NTMT2: variants seen among roughly 807,000 people sequenced by gnomAD.
NTMT2 encodes X-Pro-Lys N-terminal protein methyltransferase 1B.
In NTMT2, 21 loss-of-function variants were observed where a neutral mutation model predicts 23.4. The observed-to-expected ratio is 0.90, with a 90% CI of 0.64 to 1.29. The LOEUF (loss-of-function observed/expected upper bound fraction) is 1.29. NTMT2 is among the 50% of genes most tolerant of loss of function. The probability of loss-of-function intolerance (pLI) is 0.00; values close to 1 mark genes in which losing one functional copy is unlikely to be tolerated. For synonymous variants in NTMT2, 131 were observed against 127.7 expected (o/e 1.03, Z -0.17); for missense variants, 336 against 352.0 (o/e 0.95, Z 0.36).
intron 1 of NTMT2, among the ~76,000 whole-genome samples, chr1:170,146,949 C>T (rs968269519): frequency 5.3e-5 from 8 of 152,174 alleles, no homozygotes; most frequent in African/African-American, 1.9e-4. Context: ...TCAGGGCACC[C>T]TAAACAGCAC....
Position 170,159,383 on chromosome 1 carries a change from C to T in NTMT2, c.155-1135C>T, listed in dbSNP as rs1157344674. Among the ~76,000 whole-genome samples, 5 of 144,214 alleles carry T rather than the reference C, an allele frequency of 3.5e-5. No homozygotes were observed. In the Admixed American group the frequency reaches 3.5e-4, roughly 10 times the overall value. The allele number at this position is 144,214 out of a possible 152,430, so 94.6% of individuals were successfully genotyped here. The stretch of plus-strand genomic sequence containing the variant: ...TAGGAGGGTGCACTTGCCCTCTTAC[C>T]TGGTTGTTCTCTGGACAGAGTTTTG... On this transcript the variant is annotated intron_variant, in intron 1 of 3. Coordinates refer to ENST00000439373, the MANE Select transcript of NTMT2 (RefSeq NM_001136107.2).
chr1:170,166,891 C>A, intron 3 of NTMT2, 140 bp downstream of exon 3: 1 of 785,992 alleles, frequency 1.3e-6, no homozygotes, highest in Non-Finnish European at 2.0e-6. Flanking sequence ...CATGTGAACT[C>A]CCACAAAACT....
intron 2 of NTMT2, among the ~76,000 whole-genome samples, chr1:170,164,073 G>C (rs540398934): frequency 7.0e-6 from 1 of 143,676 alleles, no homozygotes; most frequent in East Asian, 2.1e-4. Flanking sequence ...AGTGAGCTGA[G>C]ATCGTGCCAC....
At chr1:170,157,358 T>G (rs1216791668) in intron 1 of NTMT2, among the ~76,000 whole-genome samples, 2 of 152,296 alleles carry the variant, frequency 1.3e-5, no homozygotes, top group Middle Eastern at 3.4e-3. Context: ...AATCTATGTA[T>G]AATAGTTAAC....
intron 2 of NTMT2, among the ~76,000 whole-genome samples, chr1:170,162,098 G>A (rs770267503): frequency 4.6e-5 from 7 of 151,956 alleles, no homozygotes; most frequent in Non-Finnish European, 8.8e-5. Context: ...TCAAACAAAC[G>A]AACACACAAA....
At chr1:170,150,296 T>C (rs923352313) in intron 1 of NTMT2, among the ~76,000 whole-genome samples, 1 of 152,206 alleles carries the variant, frequency 6.6e-6, no homozygotes, top group Non-Finnish European at 1.5e-5. Context: ...AGCAAAGACA[T>C]ACATACTAAA....
chr1:170,153,031 C>G (rs1225317811), intron 1 of NTMT2, among the ~76,000 whole-genome samples: 1 of 152,094 alleles, frequency 6.6e-6, no homozygotes, highest in Non-Finnish European at 1.5e-5. Context: ...TTGTGTGGCA[C>G]TTCACCCCAC....
At chr1:170,165,100 G>T (rs957379647) in intron 2 of NTMT2, among the ~76,000 whole-genome samples, 7 of 151,980 alleles carry the variant, frequency 4.6e-5, no homozygotes, top group African/African-American at 1.7e-4. Flanking sequence ...GAGAAATCAA[G>T]AGTAGGCTTT....
At chr1:170,157,038 C>A (rs1673177327) in intron 1 of NTMT2, among the ~76,000 whole-genome samples, 1 of 152,050 alleles carries the variant, frequency 6.6e-6, no homozygotes, top group African/African-American at 2.4e-5. Flanking sequence ...AGCCTGTGAG[C>A]TGTGAGTTCC....
chr1:170,166,647 T>G lies in NTMT2; in HGVS notation c.476T>G (p.Leu159Arg). Residue 159 changes from leucine to arginine, a missense_variant, in exon 3 of 4, where the codon CTG becomes CGG. Leu to Arg is a moderately radical substitution (Grantham distance 102, BLOSUM62 -2). Coordinates refer to ENST00000439373, the MANE Select transcript of NTMT2 (RefSeq NM_001136107.2). ...TTTCTCCTTGAAGCCCAGAACTACC[T>G]GCAGGTCAAAGGTGACAAAGTAGAA... Reference protein sequence around the residue: ...ESFLLEAQNYLQVKGDKVESY... With the variant: ...ESFLLEAQNYRQVKGDKVESY... The G allele has an allele frequency of 1.3e-6, 2 of 1,552,142 alleles. No homozygotes were observed. The highest frequency in any genetic ancestry group is 1.7e-6 in the Non-Finnish European group (2 of 1,147,088).
intron 1 of NTMT2, among the ~76,000 whole-genome samples, 178 bp from the exon 2 acceptor site, chr1:170,160,340 C>G (rs1673253019): frequency 6.6e-6 from 1 of 152,186 alleles, no homozygotes. Flanking sequence ...GTTTTCCCAG[C>G]ATTACATAGT....
chr1:170,153,385 C>T (rs1342421714), intron 1 of NTMT2, among the ~76,000 whole-genome samples: 1 of 152,122 alleles, frequency 6.6e-6, no homozygotes, highest in African/African-American at 2.4e-5. Context: ...TTGGAGGGCT[C>T]AGAAGACAAG....
chr1:170,165,839 A>AT (rs3040075), intron 2 of NTMT2, among the ~76,000 whole-genome samples: 41,458 of 145,936 alleles, frequency 0.28, 6,460 homozygotes, highest in African/African-American at 0.42. Context: ...GCAATGGCTC[A>AT]TTTTTTTTTT....
At chr1:170,148,451 C>T (rs1318793708) in intron 1 of NTMT2, among the ~76,000 whole-genome samples, 1 of 151,964 alleles carries the variant, frequency 6.6e-6, no homozygotes, top group Non-Finnish European at 1.5e-5. Flanking sequence ...AGTTTGAAAA[C>T]CATTAGTCTA....
chr1:170,150,051 C>G (rs1211677887), intron 1 of NTMT2, among the ~76,000 whole-genome samples: 1 of 152,172 alleles, frequency 6.6e-6, no homozygotes, highest in African/African-American at 2.4e-5. Context: ...TAAAGTCCTT[C>G]TTTCAAAAAG....
In NTMT2 at chr1:170,168,251, A is replaced by G. The variant is rs1418230536; in HGVS notation, c.*494A>G. On this transcript the variant is annotated 3_prime_UTR_variant, in exon 4 of 4. Coordinates refer to ENST00000439373, the MANE Select transcript of NTMT2 (RefSeq NM_001136107.2). ...TTTGTCTACTCAAACAAAAAAAAAA[A>G]AAAGAAAAAGAAACAATGCCCACAT... 6.6e-6 allele frequency among the ~76,000 whole-genome samples: 1 copy of G among 150,968 alleles called. No individual in the cohort carries two copies. Among genetic ancestry groups the G allele is most frequent in the African/African-American group, 2.4e-5 (1 of 41,036 alleles).
intron 2 of NTMT2, 77 bp from the exon 3 acceptor site, chr1:170,166,425 G>A: frequency 2.7e-6 from 4 of 1,498,272 alleles, no homozygotes; most frequent in Non-Finnish European, 3.6e-6. Flanking sequence ...ACAAGCGTGA[G>A]CCACCGCGCC....
chr1:170,146,475 G>C (rs1043872370), intron 1 of NTMT2, among the ~76,000 whole-genome samples: 16 of 152,064 alleles, frequency 1.1e-4, no homozygotes, highest in Non-Finnish European at 2.4e-4. Context: ...TTTATTTTGG[G>C]ATTTCCATGC....
At chr1:170,151,109 A>T (rs1460942068) in intron 1 of NTMT2, among the ~76,000 whole-genome samples, 2 of 152,288 alleles carry the variant, frequency 1.3e-5, no homozygotes, top group East Asian at 3.9e-4. Flanking sequence ...TTTAACAGAA[A>T]GACCAGAAGC....
Sources: allele counts gnomAD v4.1 joint callset (sites outside exome capture counted in the v4.1 genomes callset), GRCh38; gene constraint gnomAD v4.1.1; transcripts MANE v1.5; gene names NCBI Gene and HGNC (gene_info 2026-07-23, HGNC 2026-07-21).